The following TNIK variants were observed in gnomAD, a reference collection of about 807,000 sequenced individuals.
The protein encoded by TNIK is TRAF2 and NCK interacting kinase.
A neutral mutation model predicts 191.3 loss-of-function variants in TNIK; 49 were observed. The ratio of observed to expected loss-of-function variants is 0.26; its 90% CI spans 0.20 to 0.32. The LOEUF is 0.32. TNIK is among the 10% of genes least tolerant of loss of function. TNIK has a pLI of 1.00. For synonymous variants in TNIK, 594 were observed against 600.9 expected, an observed-to-expected ratio of 0.99 and a Z score of 0.17; for missense variants, 1,155 against 1,702.3, an observed-to-expected ratio of 0.68 and a Z score of 5.66.
chr3:171,308,013 C>G (rs1753639589), intron 2 of TNIK, among the ~76,000 whole-genome samples: 1 of 152,042 alleles, frequency 6.6e-6, no homozygotes, highest in Non-Finnish European at 1.5e-5. Context: ...AAGCAATTTA[C>G]AGATTAAATG....
rs559787996 is a variant in TNIK, at chr3:171,108,596, G to C, written c.2285-434C>G. Among the ~76,000 whole-genome samples, 5 of 152,308 alleles carry C rather than the reference G, an allele frequency of 3.3e-5. No homozygotes were observed. The South Asian group carries it at 1.0e-3, about 32-fold the overall frequency. On this transcript the variant is annotated intron_variant, in intron 19 of 32. Coordinates refer to ENST00000436636, the MANE Select transcript of TNIK (RefSeq NM_015028.4). ...AGACAGAGCTGGAGTTCTGATTTCT[G>C]AAAGTCCTATTCTCAGTCACTATGC...
At chr3:171,248,717 T>C (rs1369078165) in intron 2 of TNIK, among the ~76,000 whole-genome samples, 1 of 152,160 alleles carries the variant, frequency 6.6e-6, no homozygotes, top group Admixed American at 6.5e-5. Context: ...AGGTTGTGAA[T>C]AATAAGAGTG....
At chr3:171,266,921 T>C (rs1748473529) in intron 2 of TNIK, among the ~76,000 whole-genome samples, 1 of 152,186 alleles carries the variant, frequency 6.6e-6, no homozygotes, top group Non-Finnish European at 1.5e-5. Flanking sequence ...GCCTGGCCAG[T>C]GTAAAATCCA....
intron 18 of TNIK, among the ~76,000 whole-genome samples, chr3:171,116,503 T>G (rs566725932): frequency 1.3e-5 from 2 of 152,210 alleles, no homozygotes; most frequent in Non-Finnish European, 2.9e-5. Context: ...AAACAGAAAA[T>G]TGGGATTACA....
chr3:171,357,886 G>C (rs1237153133), intron 2 of TNIK, among the ~76,000 whole-genome samples: 1 of 152,176 alleles, frequency 6.6e-6, no homozygotes, highest in African/African-American at 2.4e-5. Flanking sequence ...AGGATGGGCC[G>C]TAGATGAGGC....
intron 2 of TNIK, among the ~76,000 whole-genome samples, chr3:171,337,961 T>A (rs939123765): frequency 6.6e-6 from 1 of 152,186 alleles, no homozygotes; most frequent in Non-Finnish European, 1.5e-5. Flanking sequence ...CATCCTAGCA[T>A]AAGCAGAAGG....
intron 2 of TNIK, among the ~76,000 whole-genome samples, chr3:171,311,990 C>T (rs1036958171): frequency 7.9e-5 from 12 of 151,162 alleles, no homozygotes; most frequent in Admixed American, 3.3e-4. Context: ...GGGTTGGGGG[C>T]GGGTGCGCCT....
intron 2 of TNIK, among the ~76,000 whole-genome samples, chr3:171,365,796 G>T (rs558272437): frequency 6.6e-6 from 1 of 152,178 alleles, no homozygotes; most frequent in African/African-American, 2.4e-5. Flanking sequence ...CCACCACGAC[G>T]GCCTCCCTAC....
At chr3:171,289,247 C>T (rs911291907) in intron 2 of TNIK, among the ~76,000 whole-genome samples, 3 of 152,152 alleles carry the variant, frequency 2.0e-5, no homozygotes, top group African/African-American at 7.2e-5. Context: ...AGATATTCAA[C>T]CTCTCTTGGC....
intron 4 of TNIK, among the ~76,000 whole-genome samples, chr3:171,197,865 A>G (rs1738899230): frequency 6.6e-6 from 1 of 152,212 alleles, no homozygotes; most frequent in South Asian, 2.1e-4. Flanking sequence ...GGGTTCCTCA[A>G]TAAGTTACAC....
intron 1 of TNIK, among the ~76,000 whole-genome samples, chr3:171,374,004 A>T (rs779726726): frequency 3.3e-5 from 5 of 152,204 alleles, no homozygotes; most frequent in Non-Finnish European, 7.3e-5. Flanking sequence ...GCACTGTAAC[A>T]TATTTATCTT....
intron 32 of TNIK, 28 bp downstream of exon 32, chr3:171,066,159 A>G (rs766863848): frequency 6.8e-6 from 11 of 1,610,226 alleles, no homozygotes; most frequent in Non-Finnish European, 7.6e-6. Context: ...AAATGCAAAC[A>G]CTAATGCAAA....
chr3:171,237,413 A>G (rs1218961688), intron 2 of TNIK, among the ~76,000 whole-genome samples: 1 of 151,994 alleles, frequency 6.6e-6, no homozygotes, highest in Non-Finnish European at 1.5e-5. Context: ...ACAAAAATCA[A>G]TTTCAATAGG....
At position 171,066,228 on chromosome 3, in the gene TNIK, G is replaced by A. The variant is rs1718414686; in HGVS notation, c.3958C>T (p.Arg1320Ter). Residue 1320 changes from arginine to a stop codon, truncating the protein, a stop_gained, in exon 32 of 33, where the codon CGA (arginine) becomes TGA (stop). Coordinates refer to ENST00000436636, the MANE Select transcript of TNIK (RefSeq NM_015028.4). LOFTEE classifies it high-confidence loss of function. ...CATAGAAACTTTAACCTTTGAGCTCGCTTATGCATAAATACTCCATCCAAA... is the reference window on the plus strand; with the variant it reads ...CATAGAAACTTTAACCTTTGAGCTCACTTATGCATAAATACTCCATCCAAA... ...GHLDGVFMHK[R>*]AQRLKFLCER... 1 of 1,613,812 alleles carries A rather than the reference G, an allele frequency of 6.2e-7. No homozygotes were observed. The highest frequency in any genetic ancestry group is 8.5e-7 in the Non-Finnish European group (1 of 1,179,868).
At chr3:171,396,164 A>C (rs1232688321) in intron 1 of TNIK, among the ~76,000 whole-genome samples, 1 of 150,236 alleles carries the variant, frequency 6.7e-6, no homozygotes, top group African/African-American at 2.4e-5. Context: ...TTCTCTACGG[A>C]GTTCTCTGTC....
At chr3:171,149,771 A>C (rs1732183396) in intron 12 of TNIK, among the ~76,000 whole-genome samples, 1 of 152,210 alleles carries the variant, frequency 6.6e-6, no homozygotes, top group Non-Finnish European at 1.5e-5. Context: ...ATTTCTGTTC[A>C]GTTATTGAAA....
intron 2 of TNIK, among the ~76,000 whole-genome samples, chr3:171,308,902 T>G (rs1753737102): frequency 6.6e-6 from 1 of 152,074 alleles, no homozygotes; most frequent in Non-Finnish European, 1.5e-5. Flanking sequence ...AAACAACAGA[T>G]GCTGACAAGG....
At chr3:171,197,777 G>A (rs1347186932) in intron 4 of TNIK, among the ~76,000 whole-genome samples, 1 of 152,192 alleles carries the variant, frequency 6.6e-6, no homozygotes, top group Non-Finnish European at 1.5e-5. Context: ...GTATTGGTGA[G>A]GATGTGGGGA....
chr3:171,066,826 G>C (rs937017523), intron 30 of TNIK, 91 bp from the exon 31 acceptor site: 1 of 1,440,394 alleles, frequency 6.9e-7, no homozygotes, highest in Non-Finnish European at 9.3e-7. Context: ...AGAGGTTTTT[G>C]TTTATTTTCA....
Sources: allele counts gnomAD v4.1 joint callset (sites outside exome capture counted in the v4.1 genomes callset), GRCh38; gene constraint gnomAD v4.1.1; transcripts MANE v1.5; gene names NCBI Gene and HGNC (gene_info 2026-07-23, HGNC 2026-07-21).